Variants in C1GALT1C1 observed in about 807,000 individuals in gnomAD.
C1GALT1C1 encodes C1GALT1 specific chaperone 1.
For missense variants in C1GALT1C1, 176 were observed against 234.7 expected (o/e 0.75, Z 1.63); for synonymous variants, 77 against 77.9 (o/e 0.99, Z 0.06).
rs144325124 is a variant in C1GALT1C1, at chrX:120,627,672, A to G, written c.-5-501T>C. Among the ~76,000 whole-genome samples, 325 of 112,248 alleles carry G rather than the reference A, an allele frequency of 2.9e-3. 4 individuals are homozygous for G. The highest frequency in any genetic ancestry group is 1.0e-2 in the African/African-American group (309 of 30,903). On this transcript the variant is annotated intron_variant, in intron 1 of 1. Coordinates refer to ENST00000304661, the MANE Select transcript of C1GALT1C1 (RefSeq NM_001011551.3). ...TCTTTAACTGATGGCTGCTGTCCTT[A>G]AGTGTTTTGAGTAAATCTAAACCAA... is the stretch of plus-strand genomic sequence containing the variant.
At position 120,626,033 on chromosome X, in the gene C1GALT1C1, G is replaced by GA. The variant is rs760133577; in HGVS notation, c.*176dup. The GA allele has an allele frequency of 4.0e-5, 15 of 373,553 alleles. No individual in the cohort carries two copies. Among genetic ancestry groups the GA allele is most frequent in the African/African-American group, 2.0e-4 (8 of 39,548 alleles). The allele number at this position is 373,553 out of a possible 1,213,427, so 30.8% of individuals were successfully genotyped here. ...ATTTACAATGTTCATGTGTTTTAAA[G>GA]AAAAAAACCACCCTCATTTAAAAAT... On this transcript the variant is annotated 3_prime_UTR_variant, in exon 2 of 2. Coordinates refer to ENST00000304661, the MANE Select transcript of C1GALT1C1 (RefSeq NM_001011551.3).
In C1GALT1C1 at chrX:120,627,097, T is replaced by C. The variant is rs146307271; in HGVS notation, c.70A>G (p.Met24Val). 498 of 1,191,518 alleles carry C rather than the reference T, an allele frequency of 4.2e-4. 4 individuals are homozygous for C. In the East Asian group the frequency reaches 0.012, roughly 29 times the overall value. ...TGACCAATCCTAATGTGTCCTAGCATAGTGATCAAAGCACAGAAAATGCTT... is the reference window on the plus strand; with the variant it reads ...TGACCAATCCTAATGTGTCCTAGCACAGTGATCAAAGCACAGAAAATGCTT... ...LGSIFCALIT[M>V]LGHIRIGHGN... is the part of the protein sequence containing the mutation. Residue 24 changes from methionine (M) to valine (V), a missense_variant, in exon 2 of 2, where the codon ATG (methionine) becomes GTG (valine). Physicochemically the swap from Met to Val is conservative, Grantham distance 21 (BLOSUM62 1). Transcript: ENST00000304661.
chrX:120,627,309 T>C (rs1927213488), intron 1 of C1GALT1C1, 138 bp from the exon 2 acceptor site: 4 of 405,854 alleles, frequency 9.9e-6, no homozygotes, highest in Non-Finnish European at 1.6e-5. Context: ...ATCAAGTTAG[T>C]TGCATATAGT....
chrX:120,626,762 G>A lies in C1GALT1C1; in HGVS notation c.405C>T (p.Asp135=). 8.3e-7 allele frequency: 1 copy of A among 1,210,261 alleles called. No individual in the cohort carries two copies. Among genetic ancestry groups the A allele is most frequent in the Non-Finnish European group, 1.1e-6 (1 of 894,551 alleles). The change falls in exon 2 of 2, where the codon GAC becomes GAT. Residue 135 remains aspartate, a synonymous_variant. Coordinates refer to ENST00000304661, the MANE Select transcript of C1GALT1C1 (RefSeq NM_001011551.3). ...AYKYAFDKYR[D]QYNWFFLARP... ...GTGCAAGGAAGAACCAGTTGTATTGGTCTCTATACTTATCAAAGGCGTATT... is the reference window on the plus strand; with the variant it reads ...GTGCAAGGAAGAACCAGTTGTATTGATCTCTATACTTATCAAAGGCGTATT...
At chrX:120,627,549 T>G in intron 1 of C1GALT1C1, 1 of 118,659 alleles carries the variant, frequency 8.4e-6, no homozygotes, top group African/African-American at 3.2e-5. Flanking sequence ...TATAGTGAAC[T>G]TTTACACCAA....
chrX:120,628,018 C>T lies in C1GALT1C1; in HGVS notation c.-5-847G>A, dbSNP rs182186755. On this transcript the variant is annotated intron_variant, in intron 1 of 1. Coordinates refer to ENST00000304661, the MANE Select transcript of C1GALT1C1 (RefSeq NM_001011551.3). ...CTTTGGGAGGCTGAGGTGGGTGGAT[C>T]CCTTGAGTTCAGGAGTTCGAGACCA... Among the ~76,000 whole-genome samples the T allele has an allele frequency of 3.1e-3, 344 of 111,245 alleles. 1 individual carries two copies. The highest frequency in any genetic ancestry group is 5.8e-3 in the Non-Finnish European group (307 of 52,992).
Position 120,626,475 on chromosome X carries a change from C to G in C1GALT1C1, c.692G>C (p.Gly231Ala). 8.3e-7 allele frequency: 1 copy of G among 1,211,985 alleles called. No homozygotes were observed. The highest frequency in any genetic ancestry group is 1.1e-6 in the Non-Finnish European group (1 of 895,448). ...KQLAVCLKYA[G>A]VFAENAEDAD... ...ATCTTCTGCATTTTCTGCAAATACT[C>G]CAGCATATTTCAGGCAAACTGCTAG... Residue 231 changes from glycine to alanine, a missense_variant, in exon 2 of 2, where the codon GGA becomes GCA. By Grantham distance (60) the Gly-to-Ala change is moderately conservative. Coordinates refer to ENST00000304661, the MANE Select transcript of C1GALT1C1 (RefSeq NM_001011551.3).
Position 120,626,799 on chromosome X carries a change from C to G in C1GALT1C1, c.368G>C (p.Arg123Thr). 1 of 1,209,661 alleles carries G rather than the reference C, an allele frequency of 8.3e-7. No homozygotes were observed. The highest frequency in any genetic ancestry group is 1.1e-6 in the Non-Finnish European group (1 of 894,149). Residue 123 changes from arginine (R) to threonine (T), a missense_variant, in exon 2 of 2, where the codon AGA (arginine) becomes ACA (threonine). Arg to Thr is a moderately conservative substitution (Grantham distance 71, BLOSUM62 -1). Transcript: ENST00000304661. The part of the protein sequence containing the change: ...MDTNDMWLMM[R>T]KAYKYAFDKY... ...ATCAAAGGCGTATTTGTAAGCTTTT[C>G]TCATCATTAACCACATGTCATTTGT... is the stretch of plus-strand genomic sequence containing the variant.
chrX:120,627,104 C>A lies in C1GALT1C1; in HGVS notation c.63G>T (p.Leu21Phe). The change falls in exon 2 of 2, where the codon TTG (leucine) becomes TTT (phenylalanine). Residue 21 changes from leucine to phenylalanine, a missense_variant. Transcript: ENST00000304661. Reference protein sequence around the residue: ...GVMLGSIFCALITMLGHIRIG... With the variant: ...GVMLGSIFCAFITMLGHIRIG... ...TCCTAATGTGTCCTAGCATAGTGAT[C>A]AAAGCACAGAAAATGCTTCCAAGCA... 1 of 1,185,149 alleles carries A rather than the reference C, an allele frequency of 8.4e-7. No homozygotes were observed. The highest frequency in any genetic ancestry group is 1.1e-6 in the Non-Finnish European group (1 of 880,815).
intron 1 of C1GALT1C1, 116 bp downstream of exon 1, chrX:120,629,801 C>G (rs965779663): frequency 2.7e-5 from 3 of 112,025 alleles, no homozygotes; most frequent in African/African-American, 9.7e-5. Context: ...CCCGCTGCAC[C>G]TGCCCAAGCA....
rs774754459 is a variant in C1GALT1C1 at position 120,627,053 on chromosome X, G to A, written c.114C>T (p.His38=). Residue 38 remains histidine (H), a synonymous_variant, in exon 2 of 2, where the codon CAC becomes CAT. Coordinates refer to ENST00000304661, the MANE Select transcript of C1GALT1C1 (RefSeq NM_001011551.3). ...GAGCTTGTAGGTGATGATGCTCATGGTGGTGCATTCTATTTCCATGACCAA... is the reference window on the plus strand; with the variant it reads ...GAGCTTGTAGGTGATGATGCTCATGATGGTGCATTCTATTTCCATGACCAA... ...IRIGHGNRMH[H]HEHHHLQAPN... is the part of the protein sequence containing the mutation. 2 of 1,210,518 alleles carry A rather than the reference G, an allele frequency of 1.7e-6. No individual in the cohort carries two copies. Among genetic ancestry groups the A allele is most frequent in the Admixed American group, 4.4e-5 (2 of 45,968 alleles).
intron 1 of C1GALT1C1, chrX:120,627,374 T>A: frequency 3.4e-6 from 1 of 294,883 alleles, no homozygotes; most frequent in Non-Finnish European, 5.9e-6. Context: ...CTGTTTGGTA[T>A]AAACTGGAAC....
At chrX:120,629,231 C>CA (rs769883258) in intron 1 of C1GALT1C1, among the ~76,000 whole-genome samples, 1,195 of 80,560 alleles carry the variant, frequency 0.015, 11 homozygotes, top group African/African-American at 0.044. Flanking sequence ...GACTCTGTTT[C>CA]AAAAAAAAAA....
intron 1 of C1GALT1C1, among the ~76,000 whole-genome samples, chrX:120,628,827 G>C (rs919886536): frequency 8.9e-6 from 1 of 111,761 alleles, no homozygotes; most frequent in African/African-American, 3.3e-5. Context: ...ATTTCTGAGC[G>C]GTGGGTGGGG....
At chrX:120,628,331 C>T (rs1424295603) in intron 1 of C1GALT1C1, among the ~76,000 whole-genome samples, 2 of 112,381 alleles carry the variant, frequency 1.8e-5, no homozygotes, top group African/African-American at 6.5e-5. Flanking sequence ...CTAGTAAAGG[C>T]TGAATTTTCC....
chrX:120,627,644 C>T (rs991959981), intron 1 of C1GALT1C1, among the ~76,000 whole-genome samples: 2 of 112,354 alleles, frequency 1.8e-5, no homozygotes, highest in East Asian at 5.5e-4. Flanking sequence ...CAACATAGTG[C>T]TTTCTTTAAC....
rs747164763 is a variant in C1GALT1C1, at chrX:120,626,411, C to T, written c.756G>A (p.Gly252=). The change falls in exon 2 of 2, where the codon GGG becomes GGA. Residue 252 remains glycine, a synonymous_variant. Transcript: ENST00000304661. ...GKDVFNTKSV[G]LSIKEAMTYH... Reference sequence around the variant, plus strand: ...AAGTCATTGCCTCTTTAATAGAAAGCCCAACAGATTTGGTATTAAATACAT... The same window carrying T: ...AAGTCATTGCCTCTTTAATAGAAAGTCCAACAGATTTGGTATTAAATACAT... The T allele has an allele frequency of 2.5e-6, 3 of 1,211,793 alleles. No homozygotes were observed. The South Asian group carries it at 5.3e-5, about 21-fold the overall frequency.
intron 1 of C1GALT1C1, among the ~76,000 whole-genome samples, chrX:120,628,520 A>G (rs931363624): frequency 7.1e-5 from 8 of 112,329 alleles, no homozygotes; most frequent in Non-Finnish European, 1.5e-4. Flanking sequence ...ACAGTTAGAC[A>G]GTGGTATAAG....
At chrX:120,628,987 G>A (rs1412652739) in intron 1 of C1GALT1C1, among the ~76,000 whole-genome samples, 2 of 111,770 alleles carry the variant, frequency 1.8e-5, no homozygotes, top group African/African-American at 6.5e-5. Context: ...AGCACTTTGG[G>A]AGGCCGAGGC....
Sources: allele counts gnomAD v4.1 joint callset (sites outside exome capture counted in the v4.1 genomes callset), GRCh38; gene constraint gnomAD v4.1.1; transcripts MANE v1.5; gene names NCBI Gene and HGNC (gene_info 2026-07-23, HGNC 2026-07-21).